The following MAP3K21 variants were observed in gnomAD, a reference collection of about 807,000 sequenced individuals.
MAP3K21 encodes the protein mitogen-activated protein kinase kinase kinase 21.
A neutral mutation model predicts 86.1 loss-of-function variants in MAP3K21; 63 were observed. That is an observed-to-expected ratio of 0.73 (90% confidence interval 0.60 to 0.90). The LOEUF (loss-of-function observed/expected upper bound fraction) is 0.90, where lower values mean the gene tolerates loss of function less well. Among genes scored for constraint, MAP3K21 ranks in the 40% least tolerant of loss-of-function variants. The pLI is 0.00. For missense variants in MAP3K21, 1,220 were observed against 1,367.7 expected, an observed-to-expected ratio of 0.89 and a Z score of 1.70; for synonymous variants, 558 against 564.8, an observed-to-expected ratio of 0.99 and a Z score of 0.17.
At position 233,327,795 on chromosome 1, in the gene MAP3K21, C is replaced by T; in HGVS notation, c.-234C>T. On this transcript the variant is annotated 5_prime_UTR_variant, in exon 1 of 10. The change creates a new upstream start codon in the 5' untranslated region. Transcript: ENST00000366624. ...GGGCCTGGGCACGACCATGGTGGGA[C>T]GTCGCCCGCGGCTTCGGGGACCGCT... is the stretch of plus-strand genomic sequence containing the variant. 1 of 332,858 alleles carries T rather than the reference C, an allele frequency of 3.0e-6. No homozygotes were observed. The highest frequency in any genetic ancestry group is 5.4e-6 in the Non-Finnish European group (1 of 186,126). 20.6% of individuals were successfully genotyped at this position (332,858 alleles called of 1,614,324 possible).
Position 233,328,397 on chromosome 1 carries a change from G to T in MAP3K21, c.369G>T (p.Arg123=). The change falls in exon 1 of 10, where the codon CGG becomes CGT. Residue 123 remains arginine (R), a synonymous_variant. Coordinates refer to ENST00000366624, the MANE Select transcript of MAP3K21 (RefSeq NM_032435.3). This position sits in a 1 kb window ranked among gnomAD's most constrained non-coding sequence, Gnocchi z 8.7. ...CCCCGGTACACGTCGCCTTCGAGCG[G>T]CTGGAGCTGAAGGAGCTCATCGGCG... ...PSSPVHVAFE[R]LELKELIGAG... 6.7e-7 allele frequency: 1 copy of T among 1,489,196 alleles called. No individual in the cohort carries two copies. Among genetic ancestry groups the T allele is most frequent in the Non-Finnish European group, 8.9e-7 (1 of 1,127,274 alleles). The allele number at this position is 1,489,196 out of a possible 1,614,324, so 92.2% of individuals were successfully genotyped here.
intron 2 of MAP3K21, 104 bp from the exon 3 acceptor site, chr1:233,353,703 C>A (rs757322379): frequency 2.1e-4 from 235 of 1,101,410 alleles, no homozygotes; most frequent in Non-Finnish European, 2.2e-4. Context: ...ATAGAGTGTC[C>A]TATTAGGAAT....
chr1:233,365,338 AC>A (rs1663553684), intron 5 of MAP3K21, among the ~76,000 whole-genome samples: 1 of 152,188 alleles, frequency 6.6e-6, no homozygotes, highest in African/African-American at 2.4e-5. Context: ...GAGTGAAGAG[AC>A]CACCTGTAGA....
intron 1 of MAP3K21, among the ~76,000 whole-genome samples, chr1:233,345,672 G>A (rs1663122948): frequency 6.6e-6 from 1 of 151,858 alleles, no homozygotes; most frequent in Non-Finnish European, 1.5e-5. Context: ...CATGGCACAT[G>A]TATACCTATG....
Position 233,328,232 on chromosome 1 carries a change from G to C in MAP3K21, c.204G>C (p.Leu68=). 3 of 1,490,830 alleles carry C rather than the reference G, an allele frequency of 2.0e-6. No individual in the cohort carries two copies. Among genetic ancestry groups the C allele is most frequent in the Non-Finnish European group, 2.7e-6 (3 of 1,128,646 alleles). The allele number at this position is 1,490,830 out of a possible 1,614,324, so 92.4% of individuals were successfully genotyped here. A position where few individuals can be genotyped will look rare whatever the true frequency, so the allele number is the denominator to read the frequency against. ...SLRRGQLVEV[L]SQDAAVSGDE... ...GGCGCGGCCAGCTGGTGGAGGTGCT[G>C]TCGCAGGACGCCGCCGTGTCGGGCG... The change falls in exon 1 of 10, where the codon CTG becomes CTC. Residue 68 remains leucine, a synonymous_variant. Transcript: ENST00000366624. This position sits in a 1 kb window ranked among gnomAD's most constrained non-coding sequence, Gnocchi z 8.7.
chr1:233,367,689 A>G (rs761870433), intron 5 of MAP3K21, among the ~76,000 whole-genome samples: 3 of 152,036 alleles, frequency 2.0e-5, no homozygotes, highest in Non-Finnish European at 2.9e-5. Context: ...GAGAAACCCC[A>G]TCTCTATTAA....
chr1:233,351,557 G>C (rs1398815217), intron 2 of MAP3K21, among the ~76,000 whole-genome samples: 1 of 152,038 alleles, frequency 6.6e-6, no homozygotes, highest in Non-Finnish European at 1.5e-5. Flanking sequence ...TGGGTGTGGT[G>C]GCGGGTGCCT....
chr1:233,336,835 G>T (rs907161589), intron 1 of MAP3K21, among the ~76,000 whole-genome samples: 15 of 152,154 alleles, frequency 9.9e-5, no homozygotes, highest in Non-Finnish European at 2.2e-4. Flanking sequence ...ATGTTATCTG[G>T]GTTGATATAG....
chr1:233,362,394 T>C (rs1213762745), intron 5 of MAP3K21, 101 bp downstream of exon 5: 3 of 1,294,898 alleles, frequency 2.3e-6, no homozygotes, highest in Non-Finnish European at 3.2e-6. Flanking sequence ...GGAAGTAACT[T>C]TGTAAAACAG....
At chr1:233,371,749 TTGTG>T (rs71574858) in intron 5 of MAP3K21, among the ~76,000 whole-genome samples, 19,995 of 147,530 alleles carry the variant, frequency 0.14, 1,831 homozygotes, top group African/African-American at 0.27. Context: ...ATATTTTCCT[TTGTG>T]TGTGTGTGTG....
chr1:233,334,708 G>A (rs1353765490), intron 1 of MAP3K21, among the ~76,000 whole-genome samples: 3 of 152,172 alleles, frequency 2.0e-5, no homozygotes, highest in African/African-American at 7.2e-5. Flanking sequence ...GCCATTGATG[G>A]TTATTGAGGA....
At chr1:233,344,726 C>T (rs1663100650) in intron 1 of MAP3K21, among the ~76,000 whole-genome samples, 1 of 152,146 alleles carries the variant, frequency 6.6e-6, no homozygotes, top group South Asian at 2.1e-4. Flanking sequence ...CCAAAATAGA[C>T]AAATGGGATC....
At position 233,355,065 on chromosome 1, in the gene MAP3K21, A is replaced by G. The variant is rs984025800; in HGVS notation, c.1311+54A>G. On this transcript the variant is annotated intron_variant, in intron 4 of 9. Transcript: ENST00000366624. ...TACTCAAATTTATGAAAACTATGGA[A>G]AATATGAGGCAAGAAGCACTGTTAG... 38 of 1,335,412 alleles carry G rather than the reference A, an allele frequency of 2.8e-5. No individual in the cohort carries two copies. The African/African-American group carries it at 5.3e-4, about 19-fold the overall frequency. 82.7% of individuals were successfully genotyped at this position (1,335,412 alleles called of 1,614,324 possible). A position where few individuals can be genotyped will look rare whatever the true frequency, so the allele number is the denominator to read the frequency against.
chr1:233,337,016 G>T (rs1334425685), intron 1 of MAP3K21, among the ~76,000 whole-genome samples: 1 of 152,186 alleles, frequency 6.6e-6, no homozygotes, highest in African/African-American at 2.4e-5. Flanking sequence ...GAGGACAAAT[G>T]GTGTTATTTG....
At chr1:233,347,913 A>C (rs1663180684) in intron 2 of MAP3K21, among the ~76,000 whole-genome samples, 2 of 151,952 alleles carry the variant, frequency 1.3e-5, no homozygotes. Context: ...AAAAAAGGAT[A>C]GATGTAAAAA....
chr1:233,371,480 C>T (rs1663677976), intron 5 of MAP3K21, among the ~76,000 whole-genome samples: 1 of 152,186 alleles, frequency 6.6e-6, no homozygotes, highest in African/African-American at 2.4e-5. Context: ...CCTGTCTCAG[C>T]CTTCCGAGTA....
At chr1:233,365,368 C>T (rs1360614013) in intron 5 of MAP3K21, among the ~76,000 whole-genome samples, 1 of 152,160 alleles carries the variant, frequency 6.6e-6, no homozygotes, top group East Asian at 1.9e-4. Flanking sequence ...AGATATTAGT[C>T]AACTATTCAT....
intron 2 of MAP3K21, among the ~76,000 whole-genome samples, chr1:233,349,615 C>T (rs990292079): frequency 6.6e-6 from 1 of 152,096 alleles, no homozygotes; most frequent in Non-Finnish European, 1.5e-5. Flanking sequence ...GATTTATTTA[C>T]AAAGTGCGAT....
chr1:233,340,756 A>C (rs574513145), intron 1 of MAP3K21, among the ~76,000 whole-genome samples: 15 of 152,312 alleles, frequency 9.8e-5, no homozygotes, highest in African/African-American at 3.4e-4. Flanking sequence ...AAATTTATAA[A>C]GTTTCATGAA....
Sources: gnomAD v4.1 joint callset for allele counts (sites outside exome capture counted in the v4.1 genomes callset) on GRCh38, gnomAD v4.1.1 for gene constraint, Gnocchi (gnomAD v3.1) non-coding constraint, MANE v1.5 for transcripts, NCBI Gene and HGNC (gene_info 2026-07-23, HGNC 2026-07-21) for gene names.